The following SUMO3 variants were observed in gnomAD, a reference collection of about 807,000 sequenced individuals.
The protein encoded by SUMO3 is small ubiquitin like modifier 3.
A neutral mutation model predicts 11.1 loss-of-function variants in SUMO3; 2 were observed. The observed-to-expected ratio is 0.18, with a 90% CI of 0.07 to 0.57. SUMO3 has a LOEUF of 0.57. SUMO3 is among the 20% of genes least tolerant of loss of function. The pLI, the probability that SUMO3 is intolerant of heterozygous loss-of-function variation, is 0.92. For synonymous variants in SUMO3, 56 were observed against 53.5 expected, an observed-to-expected ratio of 1.05 and a Z score of -0.20; for missense variants, 70 against 132.8, an observed-to-expected ratio of 0.53 and a Z score of 2.32.
intron 1 of SUMO3, among the ~76,000 whole-genome samples, chr21:44,814,996 T>C (rs1239731205): frequency 6.6e-6 from 1 of 152,200 alleles, no homozygotes; most frequent in Admixed American, 6.5e-5. Context: ...TCTGCCGGCC[T>C]GCACTGCTGG....
rs1055936163 is a variant in SUMO3 at position 44,811,075 on chromosome 21, AATGCACAC to A, written c.151-1965_151-1958del. Among the ~76,000 whole-genome samples the A allele has an allele frequency of 3.4e-5, 4 of 116,360 alleles. No homozygotes were observed. The highest frequency in any genetic ancestry group is 1.4e-4 in the African/African-American group (4 of 29,196). The allele number at this position is 116,360 out of a possible 152,430, so 76.3% of individuals were successfully genotyped here. On this transcript the variant is annotated intron_variant, in intron 2 of 3. Transcript: ENST00000332859. The surrounding 1 kb of genome is among the most constrained non-coding windows in gnomAD (Gnocchi z 5.0). Reference sequence around the variant, plus strand: ...ACACACCCACACATACACACACACGAATGCACACATGCACACACCCACATACACACACA... The same window carrying A: ...ACACACCCACACATACACACACACGAATGCACACACCCACATACACACACA...
rs777737843 is a variant in SUMO3, at chr21:44,811,987, A to T, written c.150+1989T>A. ...ACTGAATGCCAGAATATGGTCCCAG[A>T]TACTTCCAGGGAAAAACCAAGTTAC... is the stretch of plus-strand genomic sequence containing the variant. On this transcript the variant is annotated intron_variant, in intron 2 of 3. Coordinates refer to ENST00000332859, the MANE Select transcript of SUMO3 (RefSeq NM_006936.3). This position sits in a 1 kb window ranked among gnomAD's most constrained non-coding sequence, Gnocchi z 5.0. 2.8e-4 allele frequency among the ~76,000 whole-genome samples: 42 copies of T among 151,108 alleles called. 2 individuals are homozygous for T. The highest frequency in any genetic ancestry group is 3.2e-3 in the Middle Eastern group (1 of 316).
chr21:44,809,141 A>G (rs939497490), intron 2 of SUMO3, 23 bp from the exon 3 acceptor site: 4 of 1,611,882 alleles, frequency 2.5e-6, no homozygotes, highest in African/African-American at 2.7e-5. Flanking sequence ...AGCAGTGGCC[A>G]TTAGTCTCAC....
chr21:44,806,667 T>G lies in SUMO3; in HGVS notation c.*284A>C. The G allele has an allele frequency of 3.2e-6, 2 of 615,948 alleles. No homozygotes were observed. The highest frequency in any genetic ancestry group is 2.4e-5 in the South Asian group (1 of 41,482). The allele number at this position is 615,948 out of a possible 1,614,324, so 38.2% of individuals were successfully genotyped here. A position where few individuals can be genotyped will look rare whatever the true frequency, so the allele number is the denominator to read the frequency against. ...CTATAATTTTGGGGTTAAAAAAATG[T>G]TGTAGGAGGGGGGGAAAACACAAAT... On this transcript the variant is annotated 3_prime_UTR_variant, in exon 4 of 4. Coordinates refer to ENST00000332859, the MANE Select transcript of SUMO3 (RefSeq NM_006936.3).
chr21:44,807,248 A>G lies in SUMO3; in HGVS notation c.223-208T>C, dbSNP rs2329902. ...TGCTCACTACAGCCCTTACGGTTCA[A>G]CAAGCTTCCCCTAACAAAACTCACA... On this transcript the variant is annotated intron_variant, in intron 3 of 3. Transcript: ENST00000332859. This position sits in a 1 kb window ranked among gnomAD's most constrained non-coding sequence, Gnocchi z 4.3. Among the ~76,000 whole-genome samples, 119,120 of 152,104 alleles carry G rather than the reference A, an allele frequency of 0.78. 47,245 individuals are homozygous for G. The highest frequency in any genetic ancestry group is 0.91 in the African/African-American group (37,921 of 41,494).
rs1187117811 is a variant in SUMO3 at position 44,805,758 on chromosome 21, G to C, written c.*1193C>G. 1 of 152,650 alleles carries C rather than the reference G, an allele frequency of 6.6e-6. No individual in the cohort carries two copies. The highest frequency in any genetic ancestry group is 2.4e-5 in the African/African-American group (1 of 41,444). 9.5% of individuals were successfully genotyped at this position (152,650 alleles called of 1,614,324 possible). ...ACAGGAAATGAGAACATTTCAGCAA[G>C]ATTTCAAGCAAGCAAGAGATGATGG... On this transcript the variant is annotated 3_prime_UTR_variant, in exon 4 of 4. Coordinates refer to ENST00000332859, the MANE Select transcript of SUMO3 (RefSeq NM_006936.3).
In SUMO3 at chr21:44,806,824, A is replaced by G. The variant is rs548988757; in HGVS notation, c.*127T>C. 3.4e-6 allele frequency: 5 copies of G among 1,481,986 alleles called. No individual in the cohort carries two copies. In the South Asian group the frequency reaches 6.8e-5, roughly 20 times the overall value. The allele number at this position is 1,481,986 out of a possible 1,614,324, so 91.8% of individuals were successfully genotyped here. A position where few individuals can be genotyped will look rare whatever the true frequency, so the allele number is the denominator to read the frequency against. ...TTTTGAGTTGCACTTGAAGTACATCAAAGAGAGGAAAATCATCGTGGTGAA... is the reference window on the plus strand; with the variant it reads ...TTTTGAGTTGCACTTGAAGTACATCGAAGAGAGGAAAATCATCGTGGTGAA... On this transcript the variant is annotated 3_prime_UTR_variant, in exon 4 of 4. Coordinates refer to ENST00000332859, the MANE Select transcript of SUMO3 (RefSeq NM_006936.3).
At chr21:44,809,639 T>C (rs1162876046) in intron 2 of SUMO3, among the ~76,000 whole-genome samples, 2 of 152,126 alleles carry the variant, frequency 1.3e-5, no homozygotes, top group African/African-American at 4.8e-5. Flanking sequence ...GAAACCCAGG[T>C]GAGGAAGCGT....
chr21:44,818,015 A>G lies in SUMO3; in HGVS notation c.-47T>C. ...AGGCGGCGCGGGGGAAGCAGCGCGGAGCGGGCGAGTCACGCTCTCGGCCCC... is the reference window on the plus strand; with the variant it reads ...AGGCGGCGCGGGGGAAGCAGCGCGGGGCGGGCGAGTCACGCTCTCGGCCCC... On this transcript the variant is annotated 5_prime_UTR_variant, in exon 1 of 4. Coordinates refer to ENST00000332859, the MANE Select transcript of SUMO3 (RefSeq NM_006936.3). 5 of 1,168,654 alleles carry G rather than the reference A, an allele frequency of 4.3e-6. No individual in the cohort carries two copies. The highest frequency in any genetic ancestry group is 5.3e-6 in the Non-Finnish European group (5 of 948,126). The allele number at this position is 1,168,654 out of a possible 1,614,324, so 72.4% of individuals were successfully genotyped here.
intron 1 of SUMO3, 75 bp from the exon 2 acceptor site, chr21:44,814,179 G>A: frequency 6.4e-7 from 1 of 1,567,374 alleles, no homozygotes; most frequent in Non-Finnish European, 8.7e-7. Flanking sequence ...AAGTCTTTAG[G>A]TAATTGTTGG....
Position 44,806,886 on chromosome 21 carries a change from A to G in SUMO3, c.*65T>C, listed in dbSNP as rs1569306762. The G allele has an allele frequency of 6.3e-7, 1 of 1,598,338 alleles. No homozygotes were observed. Among genetic ancestry groups the G allele is most frequent in the African/African-American group, 1.3e-5 (1 of 74,634 alleles). On this transcript the variant is annotated 3_prime_UTR_variant, in exon 4 of 4. Transcript: ENST00000332859. ...TTCCGCAGACACCTTTGTGGTCGGC[A>G]TGGTCACGTGCTCACCATTCAACAG...
intron 1 of SUMO3, among the ~76,000 whole-genome samples, chr21:44,814,635 G>A (rs919490120): frequency 1.3e-5 from 2 of 152,186 alleles, no homozygotes; most frequent in African/African-American, 4.8e-5. Context: ...GAAAACATTT[G>A]TGACTCAGAG....
At position 44,807,189 on chromosome 21, in the gene SUMO3, G is replaced by A; in HGVS notation, c.223-149C>T. On this transcript the variant is annotated intron_variant, in intron 3 of 3. Coordinates refer to ENST00000332859, the MANE Select transcript of SUMO3 (RefSeq NM_006936.3). This position sits in a 1 kb window ranked among gnomAD's most constrained non-coding sequence, Gnocchi z 4.3. Reference sequence around the variant, plus strand: ...CTTGGCTCTTGTCCGTCCCCTCACTGCAGCTCAGCACGCATGGAAGAGGCA... The same window carrying A: ...CTTGGCTCTTGTCCGTCCCCTCACTACAGCTCAGCACGCATGGAAGAGGCA... 1.1e-6 allele frequency: 1 copy of A among 927,418 alleles called. No homozygotes were observed. The highest frequency in any genetic ancestry group is 2.4e-5 in the Admixed American group (1 of 41,078). 57.4% of individuals were successfully genotyped at this position (927,418 alleles called of 1,614,324 possible). A position where few individuals can be genotyped will look rare whatever the true frequency, so the allele number is the denominator to read the frequency against.
chr21:44,813,353 T>A (rs1201080758), intron 2 of SUMO3, among the ~76,000 whole-genome samples: 1 of 151,376 alleles, frequency 6.6e-6, no homozygotes, highest in Non-Finnish European at 1.5e-5. Flanking sequence ...TGGCCCAGGG[T>A]GAGTCCGCCA....
Position 44,806,976 on chromosome 21 carries a change from C to T in SUMO3, c.287G>A (p.Ser96Asn), listed in dbSNP as rs1383102257. The change falls in exon 4 of 4, where the codon AGC (serine) becomes AAC (asparagine). Residue 96 changes from serine (S) to asparagine (N), a missense_variant. By Grantham distance (46) the Ser-to-Asn change is conservative. Coordinates refer to ENST00000332859, the MANE Select transcript of SUMO3 (RefSeq NM_006936.3). ...FQQQTGGVPE[S>N]SLAGHSF Reference sequence around the variant, plus strand: ...CTAGAAACTGTGCCCTGCCAGGCTGCTCTCCGGCACACCTCCCGTCTGCTG... The same window carrying T: ...CTAGAAACTGTGCCCTGCCAGGCTGTTCTCCGGCACACCTCCCGTCTGCTG... 10 of 1,613,972 alleles carry T rather than the reference C, an allele frequency of 6.2e-6. No homozygotes were observed. Among genetic ancestry groups the T allele is most frequent in the East Asian group, 4.5e-5 (2 of 44,886 alleles).
intron 2 of SUMO3, chr21:44,813,384 GAC>G (rs35209448): frequency 4.7e-5 from 8 of 169,082 alleles, no homozygotes; most frequent in East Asian, 1.5e-4. Context: ...AAGAACAACA[GAC>G]ACACACACAC....
Position 44,809,654 on chromosome 21 carries a change from C to T in SUMO3, c.151-536G>A, listed in dbSNP as rs568371060. Among the ~76,000 whole-genome samples, 103 of 152,330 alleles carry T rather than the reference C, an allele frequency of 6.8e-4. 3 individuals are homozygous for T. In the South Asian group the frequency reaches 0.016, roughly 24 times the overall value. On this transcript the variant is annotated intron_variant, in intron 2 of 3. Transcript: ENST00000332859. ...GAAACCCAGGTGAGGAAGCGTAACA[C>T]GTCACAGTGACGCTAGCTCAGACAG...
intron 1 of SUMO3, among the ~76,000 whole-genome samples, chr21:44,814,495 G>C (rs1454500576): frequency 2.0e-5 from 3 of 152,246 alleles, no homozygotes; most frequent in Non-Finnish European, 1.5e-5. Flanking sequence ...AAGCCCAGGA[G>C]TTTGAGACCA....
chr21:44,810,904 GCACACACATGCCCACA>G lies in SUMO3; in HGVS notation c.151-1802_151-1787del, dbSNP rs1229656877. Among the ~76,000 whole-genome samples the G allele has an allele frequency of 2.0e-5, 3 of 151,528 alleles. No individual in the cohort carries two copies. Among genetic ancestry groups the G allele is most frequent in the Non-Finnish European group, 2.9e-5 (2 of 67,856 alleles). On this transcript the variant is annotated intron_variant, in intron 2 of 3. Transcript: ENST00000332859. This position sits in a 1 kb window ranked among gnomAD's most constrained non-coding sequence, Gnocchi z 4.1. ...AGGCAGGAGAACACTCCCAACACAG[GCACACACATGCCCACA>G]CCCACACATGCCCACACCCACACAC... is the stretch of plus-strand genomic sequence containing the variant.
Sources: allele counts gnomAD v4.1 joint callset (sites outside exome capture counted in the v4.1 genomes callset), GRCh38; gene constraint gnomAD v4.1.1; non-coding constraint Gnocchi (gnomAD v3.1); transcripts MANE v1.5; gene names NCBI Gene and HGNC (gene_info 2026-07-23, HGNC 2026-07-21).